Variants in DHRS4L2 observed in about 807,000 individuals in gnomAD.
The protein encoded by DHRS4L2 is dehydrogenase/reductase 4 like 2.
Under a neutral mutation model 23.9 loss-of-function variants are expected in DHRS4L2, and 22 were observed. That is an observed-to-expected ratio of 0.92 (90% confidence interval 0.66 to 1.31). The LOEUF (loss-of-function observed/expected upper bound fraction) is 1.31, where lower values mean the gene tolerates loss of function less well. Ranked by LOEUF, DHRS4L2 falls within the 40% of genes most tolerant of loss-of-function variation. The probability of loss-of-function intolerance (pLI) is 0.00; values close to 1 mark genes in which losing one functional copy is unlikely to be tolerated. For synonymous variants in DHRS4L2, 141 were observed against 123.7 expected (o/e 1.14, Z -0.93); for missense variants, 385 against 303.3 (o/e 1.27, Z -2.00).
At chr14:23,990,737 G>C in intron 2 of DHRS4L2, 10 of 806,882 alleles carry the variant, frequency 1.2e-5, no homozygotes, top group Non-Finnish European at 1.5e-5. Flanking sequence ...AGCCCACCAT[G>C]TTTCAGCCAC....
rs777303847 is a variant in DHRS4L2, at chr14:23,988,954, A to G, written c.7A>G (p.Met3Val). The G allele has an allele frequency of 3.7e-6, 6 of 1,611,924 alleles. No individual in the cohort carries two copies. The highest frequency in any genetic ancestry group is 2.7e-5 in the African/African-American group (2 of 74,804). MQ[M>V]ARLLGLCAWA... ...AGACTTGCTGGTCTGATCCATGCAGATGGCCAGGCTGCTAGGCCTCTGTGC... is the reference window on the plus strand; with the variant it reads ...AGACTTGCTGGTCTGATCCATGCAGGTGGCCAGGCTGCTAGGCCTCTGTGC... The change falls in exon 1 of 8, where the codon ATG (methionine) becomes GTG (valine). Residue 3 changes from methionine to valine, a missense_variant. Physicochemically the swap from Met to Val is conservative, Grantham distance 21. Coordinates refer to ENST00000335125, the MANE Select transcript of DHRS4L2 (RefSeq NM_198083.4).
chr14:23,992,358 A>G (rs2034287566), intron 2 of DHRS4L2, among the ~76,000 whole-genome samples: 1 of 151,676 alleles, frequency 6.6e-6, no homozygotes, highest in Non-Finnish European at 1.5e-5. Flanking sequence ...AGAGAAGTCA[A>G]AAATGACTCT....
intron 2 of DHRS4L2, among the ~76,000 whole-genome samples, chr14:23,992,308 G>C (rs769585572): frequency 2.0e-5 from 3 of 151,470 alleles, no homozygotes; most frequent in Admixed American, 6.6e-5. Context: ...TAGTGGAAAC[G>C]AACCAAGATT....
At chr14:23,990,070 A>T in intron 1 of DHRS4L2, 112 bp from the exon 2 acceptor site, 2 of 1,513,964 alleles carry the variant, frequency 1.3e-6, no homozygotes, top group Non-Finnish European at 1.8e-6. Flanking sequence ...CGTAGGAGTT[A>T]TATAGAGAAA....
intron 3 of DHRS4L2, among the ~76,000 whole-genome samples, chr14:23,998,262 A>G (rs1158060163): frequency 2.0e-5 from 3 of 152,008 alleles, no homozygotes; most frequent in Non-Finnish European, 4.4e-5. Flanking sequence ...GAGTAGATTT[A>G]GCGTAAATCT....
At chr14:23,992,294 C>A (rs1409311910) in intron 2 of DHRS4L2, among the ~76,000 whole-genome samples, 1 of 151,448 alleles carries the variant, frequency 6.6e-6, no homozygotes, top group East Asian at 1.9e-4. Context: ...GCCCAAGAGA[C>A]ATTTAGTGGA....
At position 23,978,410 on chromosome 14, in the gene DHRS4L2, TAAAAAATAA is replaced by T. The variant is rs2034006576; in HGVS notation, c.-176+8082_-176+8090del. ...CCACTCATTAGCCAAGAATGTATTT[TAAAAAATAA>T]AAAGGGTGGCTGACAAGATGACCAA... On this transcript the variant is annotated intron_variant, in intron 1 of 5. Transcript: ENST00000534993. 4.8e-5 allele frequency among the ~76,000 whole-genome samples: 6 copies of T among 125,396 alleles called. No homozygotes were observed. In the South Asian group the frequency reaches 1.6e-3, roughly 34 times the overall value. 82.3% of individuals were successfully genotyped at this position (125,396 alleles called of 152,430 possible).
chr14:23,972,993 G>A, intron 1 of DHRS4L2, among the ~76,000 whole-genome samples: 1 of 151,870 alleles, frequency 6.6e-6, no homozygotes, highest in East Asian at 1.9e-4. Context: ...CCCACCATAG[G>A]GCAGTTTTTC....
rs992305281 is a variant in DHRS4L2 at position 23,990,848 on chromosome 14, C to G, written c.306+489C>G. The G allele has an allele frequency of 1.6e-5, 8 of 495,486 alleles. No homozygotes were observed. In the Admixed American group the frequency reaches 2.6e-4, roughly 16 times the overall value. 30.7% of individuals were successfully genotyped at this position (495,486 alleles called of 1,614,324 possible). On this transcript the variant is annotated intron_variant, in intron 2 of 7. Transcript: ENST00000335125. ...AGGACTATTCTCTCAGTCTGCAGAC[C>G]CTGGCTCAGATAGCTGGAGCAACTT...
Position 24,000,844 on chromosome 14 carries a change from C to T in DHRS4L2, c.409-19C>T, listed in dbSNP as rs749849127. The T allele has an allele frequency of 1.2e-6, 2 of 1,602,628 alleles. No homozygotes were observed. Among genetic ancestry groups the T allele is most frequent in the East Asian group, 4.5e-5 (2 of 44,818 alleles). On this transcript the variant is annotated intron_variant, in intron 3 of 7. Transcript: ENST00000335125. ...GTGCTCTTCACTCATGCTGTTTCCC[C>T]TTCTTCTCTTGGCTTCAGACTCTGG...
chr14:23,989,545 T>C (rs2034222583), intron 1 of DHRS4L2, among the ~76,000 whole-genome samples: 3 of 151,752 alleles, frequency 2.0e-5, no homozygotes, highest in Admixed American at 1.3e-4. Context: ...TTTAGGTCGG[T>C]ACATCTGGGC....
At chr14:23,999,059 T>C (rs199511932) in intron 3 of DHRS4L2, among the ~76,000 whole-genome samples, 355 of 143,188 alleles carry the variant, frequency 2.5e-3, no homozygotes, top group Middle Eastern at 7.6e-3. Context: ...AATATGGAGG[T>C]CCACAGAGAG....
intron 7 of DHRS4L2, 143 bp downstream of exon 7, chr14:24,004,535 C>G (rs2034538036): frequency 9.5e-7 from 1 of 1,053,356 alleles, no homozygotes; most frequent in East Asian, 2.7e-5. Context: ...TTCATAAACA[C>G]TATCACTACA....
At chr14:23,985,832 A>G (rs2034130581), upstream of DHRS4L2, among the ~76,000 whole-genome samples, 1 of 151,582 alleles carries the variant, frequency 6.6e-6, no homozygotes. Flanking sequence ...CTCCTGCCTC[A>G]GCCTCCTGAG....
intron 1 of DHRS4L2, among the ~76,000 whole-genome samples, chr14:23,982,355 C>T (rs1001583449): frequency 5.9e-5 from 9 of 151,686 alleles, no homozygotes; most frequent in Non-Finnish European, 8.8e-5. Flanking sequence ...AGCTCAAGGT[C>T]GGGGCTAAAG....
At chr14:23,994,996 C>T (rs759905736) in intron 2 of DHRS4L2, 36 bp from the exon 3 acceptor site, 1 of 1,610,172 alleles carries the variant, frequency 6.2e-7, no homozygotes, top group Non-Finnish European at 8.5e-7. Flanking sequence ...CCCTTACTTA[C>T]TGCAGCCCTG....
chr14:23,995,972 C>G (rs1440273854), intron 3 of DHRS4L2, among the ~76,000 whole-genome samples: 1 of 151,752 alleles, frequency 6.6e-6, no homozygotes, highest in East Asian at 1.9e-4. Flanking sequence ...ATACTGCAGA[C>G]TGTACAAGAA....
intron 3 of DHRS4L2, among the ~76,000 whole-genome samples, chr14:23,999,344 TAAAAAAAAAAAA>T (rs71426825): frequency 1.7e-4 from 9 of 53,676 alleles, no homozygotes; most frequent in Admixed American, 5.9e-4. Context: ...CTCCAATTTG[TAAAAAAAAAAAA>T]AAAAAAAAAA....
intron 2 of DHRS4L2, among the ~76,000 whole-genome samples, chr14:23,994,031 G>C (rs9323438): frequency 0.4 from 59,897 of 151,228 alleles, 13,161 homozygotes; most frequent in East Asian, 0.76. Context: ...CACTACTGAA[G>C]TATAAGATCT....
Sources: gnomAD v4.1 joint callset for allele counts (sites outside exome capture counted in the v4.1 genomes callset) on GRCh38, gnomAD v4.1.1 for gene constraint, MANE v1.5 for transcripts, NCBI Gene and HGNC (gene_info 2026-07-23, HGNC 2026-07-21) for gene names.